WNK1: variants seen among roughly 807,000 people sequenced by gnomAD.
WNK1 encodes serine/threonine-protein kinase WNK1.
WNK1 carries 38 observed loss-of-function variants against 222.8 expected under a neutral mutation model. The ratio of observed to expected loss-of-function variants is 0.17; its 90% confidence interval spans 0.13 to 0.22. WNK1 has a LOEUF of 0.22. Among genes scored for constraint, WNK1 ranks in the 10% least tolerant of loss-of-function variants. WNK1 has a pLI of 1.00. For synonymous variants in WNK1, 1,090 were observed against 1,092.9 expected (o/e 1.00, Z 0.05); for missense variants, 2,348 against 2,918.4 (o/e 0.80, Z 4.50).
intron 16 of WNK1, 51 bp downstream of exon 16, chr12:883,619 T>C: frequency 6.2e-7 from 1 of 1,611,846 alleles, no homozygotes. Context: ...AATATTTTCA[T>C]AGTTCTAAAT....
intron 4 of WNK1, chr12:851,391 A>G: frequency 9.2e-7 from 1 of 1,082,132 alleles, no homozygotes. Context: ...AGCATTGAGC[A>G]AGTAAAAATC....
At chr12:895,055 A>G (rs1954620332) in intron 23 of WNK1, among the ~76,000 whole-genome samples, 1 of 152,242 alleles carries the variant, frequency 6.6e-6, no homozygotes, top group Admixed American at 6.5e-5. Context: ...GTTAAGTAAC[A>G]GCAAACATCT....
intron 1 of WNK1, among the ~76,000 whole-genome samples, chr12:787,711 A>G (rs533937449): frequency 1.8e-3 from 267 of 152,186 alleles, no homozygotes; most frequent in African/African-American, 3.4e-3. Flanking sequence ...TGTAAAGACC[A>G]TCTGTCTTCT....
chr12:767,234 GTTTTTTTTTTTTTTTTTT>G (rs71051382), intron 1 of WNK1, among the ~76,000 whole-genome samples: 23 of 70,892 alleles, frequency 3.2e-4, no homozygotes, highest in African/African-American at 8.2e-4. Flanking sequence ...GGGTTGATAG[GTTTTTTTTTTTTTTTTTT>G]TTTTTTTTTT....
chr12:883,683 C>G (rs1953387838), intron 16 of WNK1, 91 bp from the exon 17 acceptor site: 1 of 1,596,932 alleles, frequency 6.3e-7, no homozygotes. Context: ...CGACAACAAA[C>G]TTTTATGTTC....
rs115783865 is a variant in WNK1 at position 786,823 on chromosome 12, T to A, written c.760-26819T>A. On this transcript the variant is annotated intron_variant, in intron 1 of 27. Coordinates refer to ENST00000315939, the MANE Select transcript of WNK1 (RefSeq NM_018979.4). ...TGATGTGTTTCTTATAAATAAACAG[T>A]GTTTAGACTTTTTTTTAAAGCCTGT... Among the ~76,000 whole-genome samples the A allele has an allele frequency of 3.6e-3, 544 of 152,304 alleles. 3 individuals carry two copies. Among genetic ancestry groups the A allele is most frequent in the African/African-American group, 0.012 (506 of 41,570 alleles).
In WNK1 at chr12:767,234, G is replaced by GTTTTTTTTT. The variant is rs71051382; in HGVS notation, c.759+12937_759+12945dup. Among the ~76,000 whole-genome samples the GTTTTTTTTT allele has an allele frequency of 4.1e-4, 29 of 70,884 alleles. 3 individuals carry two copies. The highest frequency in any genetic ancestry group is 1.3e-3 in the African/African-American group (20 of 15,768). 46.5% of individuals were successfully genotyped at this position (70,884 alleles called of 152,430 possible). On this transcript the variant is annotated intron_variant, in intron 1 of 27. Transcript: ENST00000315939. ...TGTGGCAGACTTTCTGGGTTGATAG[G>GTTTTTTTTT]TTTTTTTTTTTTTTTTTTTTTTTTT...
chr12:785,642 C>G (rs1014891693), intron 1 of WNK1, among the ~76,000 whole-genome samples: 1 of 152,210 alleles, frequency 6.6e-6, no homozygotes. Context: ...CGTGATCCAC[C>G]CGCCTCAGCC....
At chr12:779,050 G>A (rs141512000) in intron 1 of WNK1, among the ~76,000 whole-genome samples, 12 of 152,258 alleles carry the variant, frequency 7.9e-5, no homozygotes, top group Non-Finnish European at 1.3e-4. Flanking sequence ...AAGTAAAACA[G>A]GTGAAGTCTG....
At chr12:865,447 A>G in intron 8 of WNK1, 1 of 1,462,282 alleles carries the variant, frequency 6.8e-7, no homozygotes. Flanking sequence ...TTAAAATTGA[A>G]TAAAGAACAG....
In WNK1 at chr12:815,826, G is replaced by C. The variant is rs1156435215; in HGVS notation, c.932+2012G>C. ...ATATTGAGGAGCTTTGGGTAACATAGTGGGGTAATAAGCCCCTGTGGAATG... is the reference window on the plus strand; with the variant it reads ...ATATTGAGGAGCTTTGGGTAACATACTGGGGTAATAAGCCCCTGTGGAATG... On this transcript the variant is annotated intron_variant, in intron 2 of 27. Transcript: ENST00000315939. 2.0e-5 allele frequency among the ~76,000 whole-genome samples: 3 copies of C among 152,192 alleles called. No individual in the cohort carries two copies. The East Asian group carries it at 5.8e-4, about 29-fold the overall frequency.
Position 889,201 on chromosome 12 carries a change from T to A in WNK1, c.5426T>A (p.Ile1809Asn). 4 of 1,614,086 alleles carry A rather than the reference T, an allele frequency of 2.5e-6. No homozygotes were observed. Among genetic ancestry groups the A allele is most frequent in the Non-Finnish European group, 3.4e-6 (4 of 1,179,962 alleles). Residue 1809 changes from isoleucine to asparagine, a missense_variant, in exon 21 of 28, where the codon ATC becomes AAC. By Grantham distance (149) the Ile-to-Asn change is moderately radical. Transcript: ENST00000315939. ...AGAAGAACACTTAGTCCAGAGATGA[T>A]CACAGTGACTTCTGCGGTTGGTGTA... ...QLRRTLSPEM[I>N]TVTSAVGPVS...
At chr12:813,402 G>A (rs189272746) in intron 1 of WNK1, among the ~76,000 whole-genome samples, 4 of 152,274 alleles carry the variant, frequency 2.6e-5, no homozygotes, top group African/African-American at 7.2e-5. Context: ...GTTGGATATG[G>A]AAAGTTAACT....
At chr12:755,555 C>A (rs554865770) in intron 1 of WNK1, among the ~76,000 whole-genome samples, 1 of 151,816 alleles carries the variant, frequency 6.6e-6, no homozygotes, top group African/African-American at 2.4e-5. Flanking sequence ...TGTAGAACTT[C>A]TAAGGTAGTG....
chr12:879,325 A>G (rs191601645), intron 10 of WNK1, among the ~76,000 whole-genome samples: 10 of 151,768 alleles, frequency 6.6e-5, no homozygotes, highest in East Asian at 3.9e-4. Context: ...AAATATTTCT[A>G]TGACAAAAGG....
Position 908,732 on chromosome 12 carries a change from C to T in WNK1, c.7089C>T (p.Asn2363=). Residue 2363 remains asparagine (N), a synonymous_variant, in exon 28 of 28, where the codon AAC becomes AAT. Transcript: ENST00000315939. ...GAACTGCCTCCTTGCAGAATTTCAACATCAGCAATTTGCAGAAATCCATCA... is the reference window on the plus strand; with the variant it reads ...GAACTGCCTCCTTGCAGAATTTCAATATCAGCAATTTGCAGAAATCCATCA... ...PVGTASLQNF[N]ISNLQKSISN... 3.1e-6 allele frequency: 5 copies of T among 1,613,980 alleles called. No homozygotes were observed. The highest frequency in any genetic ancestry group is 4.2e-6 in the Non-Finnish European group (5 of 1,180,018).
intron 6 of WNK1, 42 bp from the exon 7 acceptor site, chr12:860,971 C>A: frequency 2.6e-6 from 4 of 1,555,322 alleles, no homozygotes; most frequent in Non-Finnish European, 2.6e-6. Context: ...GTGTTGTTTT[C>A]TTTCAATATA....
At chr12:820,609 G>A (rs1455805950) in intron 2 of WNK1, among the ~76,000 whole-genome samples, 2 of 151,584 alleles carry the variant, frequency 1.3e-5, no homozygotes. Context: ...TGAGTAGCTG[G>A]GACTCCAGGT....
At chr12:897,290 G>A (rs1048196030) in intron 24 of WNK1, among the ~76,000 whole-genome samples, 189 bp from the exon 25 acceptor site, 1 of 152,132 alleles carries the variant, frequency 6.6e-6, no homozygotes, top group Non-Finnish European at 1.5e-5. Flanking sequence ...GAGCTTGTTG[G>A]AACATGGCTT....
Sources: allele counts gnomAD v4.1 joint callset (sites outside exome capture counted in the v4.1 genomes callset), GRCh38; gene constraint gnomAD v4.1.1; transcripts MANE v1.5; gene names NCBI Gene and HGNC (gene_info 2026-07-23, HGNC 2026-07-21).